SLC26A3: variants seen among roughly 807,000 people sequenced by gnomAD.
The protein encoded by SLC26A3 is solute carrier family 26 member 3, also known as chloride anion exchanger.
In SLC26A3, 64 loss-of-function variants were observed where a neutral mutation model predicts 85.6. The ratio of observed to expected loss-of-function variants is 0.75; its 90% confidence interval spans 0.61 to 0.92. The LOEUF (loss-of-function observed/expected upper bound fraction) is 0.92, where lower values mean the gene tolerates loss of function less well. Among genes scored for constraint, SLC26A3 ranks in the 40% least tolerant of loss-of-function variants. SLC26A3 has a pLI of 0.00. For synonymous variants in SLC26A3, 349 were observed against 336.0 expected (o/e 1.04, Z -0.42); for missense variants, 922 against 927.3 (o/e 0.99, Z 0.07).
intron 17 of SLC26A3, 49 bp downstream of exon 17, chr7:107,773,871 T>TA: frequency 6.8e-7 from 1 of 1,480,676 alleles, no homozygotes; most frequent in Non-Finnish European, 9.4e-7. Flanking sequence ...ATTTTTTTTT[T>TA]AACCTTTAGT....
chr7:107,792,794 GT>G (rs1447228860), intron 3 of SLC26A3, among the ~76,000 whole-genome samples: 2 of 152,120 alleles, frequency 1.3e-5, no homozygotes, highest in African/African-American at 4.8e-5. Flanking sequence ...TATCAAGAAA[GT>G]TAACCAATAA....
chr7:107,775,451 G>A (rs567619769), intron 15 of SLC26A3, among the ~76,000 whole-genome samples: 34 of 152,110 alleles, frequency 2.2e-4, no homozygotes, highest in East Asian at 5.8e-4. Flanking sequence ...TTGGCCAGGC[G>A]TGGTGGCTGA....
Position 107,776,663 on chromosome 7 carries a change from A to G in SLC26A3, c.1558T>C (p.Tyr520His). 3 of 1,613,912 alleles carry G rather than the reference A, an allele frequency of 1.9e-6. No homozygotes were observed. Among genetic ancestry groups the G allele is most frequent in the Non-Finnish European group, 2.5e-6 (3 of 1,179,860 alleles). ...TCATAATAATCTTTTTTATTCTTAT[A>G]GATGTTGGTTCTTCCAATATTAGCC... The part of the protein sequence containing the change: ...TLANIGRTNI[Y>H]KNKKDYYDMY... The change falls in exon 14 of 21, where the codon TAT (tyrosine) becomes CAT (histidine). Residue 520 changes from tyrosine (Y) to histidine (H), a missense_variant. Physicochemically the swap from Tyr to His is moderately conservative, Grantham distance 83 (BLOSUM62 2). Transcript: ENST00000340010.
At chr7:107,776,611 C>T in intron 14 of SLC26A3, 26 bp downstream of exon 14, 1 of 1,609,466 alleles carries the variant, frequency 6.2e-7, no homozygotes, top group Non-Finnish European at 8.5e-7. Flanking sequence ...TTTAGCAAGT[C>T]AAAGAAAAAC....
intron 8 of SLC26A3, among the ~76,000 whole-genome samples, chr7:107,784,754 T>C (rs1453784450): frequency 6.6e-6 from 1 of 152,170 alleles, no homozygotes; most frequent in East Asian, 1.9e-4. Context: ...CTTCACAGTT[T>C]AGTGGGAGGG....
At chr7:107,787,336 A>G in intron 7 of SLC26A3, 21 bp downstream of exon 7, 1 of 1,613,224 alleles carries the variant, frequency 6.2e-7, no homozygotes, top group South Asian at 1.1e-5. Context: ...GCTATGACAG[A>G]GTCTGAAAAT....
intron 18 of SLC26A3, among the ~76,000 whole-genome samples, chr7:107,770,073 CTCT>C (rs1348881074): frequency 9.9e-6 from 1 of 100,918 alleles, no homozygotes; most frequent in East Asian, 2.9e-4. Flanking sequence ...TTTTCTTTCT[CTCT>C]TTTTTCTTTC....
intron 11 of SLC26A3, among the ~76,000 whole-genome samples, chr7:107,782,521 G>T (rs141316613): frequency 1.6e-4 from 24 of 152,270 alleles, no homozygotes; most frequent in African/African-American, 5.8e-4. Context: ...TGGTGCCAGG[G>T]TGCCCTCCTA....
At chr7:107,793,261 T>A (rs995111698) in intron 3 of SLC26A3, among the ~76,000 whole-genome samples, 1 of 152,214 alleles carries the variant, frequency 6.6e-6, no homozygotes, top group African/African-American at 2.4e-5. Context: ...AATTGAAGCA[T>A]GCTCACACAA....
chr7:107,792,799 C>T (rs1375624620), intron 3 of SLC26A3, among the ~76,000 whole-genome samples: 2 of 152,126 alleles, frequency 1.3e-5, no homozygotes, highest in African/African-American at 4.8e-5. Context: ...AGAAAGTTAA[C>T]CAATAATTCA....
In SLC26A3 at chr7:107,782,790, G is replaced by C. The variant is rs781675435; in HGVS notation, c.1311+7C>G. On this transcript the variant is annotated splice_region_variant and intron_variant, in intron 11 of 20. Coordinates refer to ENST00000340010, the MANE Select transcript of SLC26A3 (RefSeq NM_000111.3). ...AAAGTAGAGATGCTATCCAAAGACA[G>C]TGTTACCTTTTGTAGAGGCGCCAGG... The C allele has an allele frequency of 6.2e-6, 10 of 1,612,898 alleles. No individual in the cohort carries two copies. The highest frequency in any genetic ancestry group is 7.6e-6 in the Non-Finnish European group (9 of 1,178,982).
chr7:107,776,570 G>A (rs1478370759), intron 14 of SLC26A3, 26 bp from the exon 15 acceptor site: 2 of 1,609,152 alleles, frequency 1.2e-6, no homozygotes, highest in Admixed American at 1.7e-5. Flanking sequence ...GCATTGTTAG[G>A]TGTTGCCCAT....
In SLC26A3 at chr7:107,783,009, C is replaced by T; in HGVS notation, c.1204G>A (p.Val402Ile). The change falls in exon 10 of 21, where the codon GTT becomes ATT. Residue 402 changes from valine (V) to isoleucine (I), a missense_variant. Transcript: ENST00000340010. ...AGSTALSRSA[V>I]QESTGGKTQI... ...GTTTTGCCTCCTGTGCTCTCCTGAACTGCTGATCTGGAGAGGGCAGTACTC... is the reference window on the plus strand; with the variant it reads ...GTTTTGCCTCCTGTGCTCTCCTGAATTGCTGATCTGGAGAGGGCAGTACTC... 6.2e-7 allele frequency: 1 copy of T among 1,614,196 alleles called. No individual in the cohort carries two copies. Among genetic ancestry groups the T allele is most frequent in the Non-Finnish European group, 8.5e-7 (1 of 1,180,010 alleles).
At chr7:107,767,534 T>C (rs1470844155) in intron 20 of SLC26A3, 45 bp downstream of exon 20, 1 of 1,446,684 alleles carries the variant, frequency 6.9e-7, no homozygotes, top group East Asian at 2.3e-5. Flanking sequence ...AGGTTTTTTT[T>C]TGCTGTGATG....
Position 107,801,615 on chromosome 7 carries a change from C to G in SLC26A3, c.-89+1496G>C, listed in dbSNP as rs531242458. On this transcript the variant is annotated intron_variant, in intron 1 of 20. Coordinates refer to ENST00000340010, the MANE Select transcript of SLC26A3 (RefSeq NM_000111.3). Reference sequence around the variant, plus strand: ...AAAATATTCATTCTCATTTTCTGAACGATTTTGTTTCTTAGTCGAATATGA... The same window carrying G: ...AAAATATTCATTCTCATTTTCTGAAGGATTTTGTTTCTTAGTCGAATATGA... Among the ~76,000 whole-genome samples the G allele has an allele frequency of 4.6e-5, 7 of 152,184 alleles. No individual in the cohort carries two copies. In the South Asian group the frequency reaches 8.3e-4, roughly 18 times the overall value.
chr7:107,769,996 TTTTCTCTTTCTTTCTTTCTTTCTTTC>T (rs1376741484), intron 18 of SLC26A3, among the ~76,000 whole-genome samples: 3,504 of 135,258 alleles, frequency 0.026, 131 homozygotes, highest in African/African-American at 0.09. Context: ...TTCCTTCCTT[TTTTCTCTTTCTTTCTTTCTTTCTTTC>T]TTTCTTTCTT....
intron 1 of SLC26A3, among the ~76,000 whole-genome samples, chr7:107,799,589 G>A (rs761513097): frequency 3.3e-5 from 5 of 151,982 alleles, no homozygotes; most frequent in African/African-American, 9.7e-5. Flanking sequence ...ATGGAGTTTC[G>A]CCATGTTGGC....
chr7:107,766,958 C>G (rs865874892), intron 20 of SLC26A3, among the ~76,000 whole-genome samples: 5 of 151,856 alleles, frequency 3.3e-5, no homozygotes, highest in African/African-American at 1.2e-4. Context: ...ATGTAATACA[C>G]CTGCCATCTA....
intron 18 of SLC26A3, among the ~76,000 whole-genome samples, chr7:107,768,519 A>G (rs1009217193): frequency 2.0e-5 from 3 of 152,246 alleles, no homozygotes; most frequent in African/African-American, 7.2e-5. Context: ...TCAAAAGATA[A>G]ATTAGACCTG....
Sources: gnomAD v4.1 joint callset for allele counts (sites outside exome capture counted in the v4.1 genomes callset) on GRCh38, gnomAD v4.1.1 for gene constraint, MANE v1.5 for transcripts, NCBI Gene and HGNC (gene_info 2026-07-23, HGNC 2026-07-21) for gene names.